Variants in TMIE observed in about 807,000 individuals in gnomAD.
TMIE encodes transmembrane inner ear.
In TMIE, 14 loss-of-function variants were observed where a neutral mutation model predicts 16.8. The ratio of observed to expected loss-of-function variants is 0.83; its 90% CI spans 0.55 to 1.30. The LOEUF (loss-of-function observed/expected upper bound fraction) is 1.30, where lower values mean the gene tolerates loss of function less well. Among genes scored for constraint, TMIE ranks in the 50% most tolerant of loss-of-function variants. The probability of loss-of-function intolerance (pLI) is 0.00; values close to 1 mark genes in which losing one functional copy is unlikely to be tolerated. For synonymous variants in TMIE, 75 were observed against 87.2 expected (o/e 0.86, Z 0.78); for missense variants, 204 against 205.9 (o/e 0.99, Z 0.06).
rs965512196 is a variant in TMIE, at chr3:46,701,510, G to A, written c.23G>A (p.Gly8Asp). Reference sequence around the variant, plus strand: ...AAGATGGCGGGGTGGCCGGGCGCGGGTCCCCTCTGCGTGCTGGGCGGCGCC... The same window carrying A: ...AAGATGGCGGGGTGGCCGGGCGCGGATCCCCTCTGCGTGCTGGGCGGCGCC... MAGWPGA[G>D]PLCVLGGAAL... The change falls in exon 1 of 4, where the codon GGT (glycine) becomes GAT (aspartate). Residue 8 changes from glycine to aspartate, a missense_variant. Gly to Asp is a moderately conservative substitution (Grantham distance 94). Coordinates refer to ENST00000643606, the MANE Select transcript of TMIE (RefSeq NM_147196.3). This position sits in a 1 kb window ranked among gnomAD's most constrained non-coding sequence, Gnocchi z 4.3. 19 of 1,341,576 alleles carry A rather than the reference G, an allele frequency of 1.4e-5. No homozygotes were observed. Among genetic ancestry groups the A allele is most frequent in the African/African-American group, 3.1e-5 (2 of 65,202 alleles). 83.1% of individuals were successfully genotyped at this position (1,341,576 alleles called of 1,614,324 possible). A position where few individuals can be genotyped will look rare whatever the true frequency, so the allele number is the denominator to read the frequency against.
chr3:46,702,066 G>A (rs1188290322), intron 1 of TMIE, among the ~76,000 whole-genome samples: 1 of 152,124 alleles, frequency 6.6e-6, no homozygotes, highest in African/African-American at 2.4e-5. Flanking sequence ...TAATGGAGGG[G>A]GAGACATAGC....
At chr3:46,704,332 G>A (rs993485871) in intron 1 of TMIE, among the ~76,000 whole-genome samples, 2 of 149,554 alleles carry the variant, frequency 1.3e-5, no homozygotes, top group Non-Finnish European at 3.0e-5. Context: ...AGACACCCAG[G>A]GCAGGAACAT....
intron 1 of TMIE, among the ~76,000 whole-genome samples, chr3:46,705,575 C>T (rs1033871671): frequency 5.3e-5 from 8 of 152,238 alleles, no homozygotes; most frequent in African/African-American, 1.9e-4. Context: ...GCATCAACCA[C>T]CCTCCCACTT....
upstream of TMIE, among the ~76,000 whole-genome samples, chr3:46,700,735 G>C (rs551372311): frequency 8.5e-5 from 13 of 152,324 alleles, no homozygotes; most frequent in South Asian, 2.7e-3. Context: ...TCAGGGTCCT[G>C]GCTTAGACTG....
chr3:46,695,826 C>T (rs1700407206), intron 1 of TMIE, among the ~76,000 whole-genome samples: 1 of 152,334 alleles, frequency 6.6e-6, no homozygotes, highest in South Asian at 2.1e-4. Flanking sequence ...GAAAGGCTGA[C>T]TGAGCTCTGG....
At chr3:46,699,060 A>ATTTTTTTTTTTTTTTTTTTTT (rs397951323), upstream of TMIE, among the ~76,000 whole-genome samples, 1 of 84,854 alleles carries the variant, frequency 1.2e-5, no homozygotes, top group African/African-American at 5.0e-5. Flanking sequence ...GGTGTTTCTT[A>ATTTTTTTTTTTTTTTTTTTTT]TTTTTTTTTT....
chr3:46,702,216 G>A (rs1700486113), intron 1 of TMIE, among the ~76,000 whole-genome samples: 1 of 152,152 alleles, frequency 6.6e-6, no homozygotes, highest in African/African-American at 2.4e-5. Context: ...GTCTGACTTG[G>A]TCCTGGTGAT....
intron 1 of TMIE, among the ~76,000 whole-genome samples, chr3:46,695,915 G>C (rs980749915): frequency 6.6e-6 from 1 of 152,142 alleles, no homozygotes; most frequent in Non-Finnish European, 1.5e-5. Context: ...TGCTAAATGG[G>C]GCAAGACCTG....
chr3:46,701,140 G>A (rs1237887116), upstream of TMIE, among the ~76,000 whole-genome samples: 1 of 151,772 alleles, frequency 6.6e-6, no homozygotes, highest in Non-Finnish European at 1.5e-5. This position sits in a 1 kb window ranked among gnomAD's most constrained non-coding sequence, Gnocchi z 4.3. Context: ...CCCAGATGGA[G>A]AAACTGAGGC....
chr3:46,700,196 G>A (rs1700452511), upstream of TMIE, among the ~76,000 whole-genome samples: 1 of 152,220 alleles, frequency 6.6e-6, no homozygotes, highest in Admixed American at 6.5e-5. Context: ...ACCTCCCACT[G>A]TTGAGCGTTT....
At position 46,709,570 on chromosome 3, in the gene TMIE, G is replaced by A. The variant is rs1442211904; in HGVS notation, c.362-9G>A. 6.3e-7 allele frequency: 1 copy of A among 1,593,858 alleles called. No homozygotes were observed. The highest frequency in any genetic ancestry group is 1.5e-5 in the African/African-American group (1 of 66,514). On this transcript the variant is annotated splice_polypyrimidine_tract_variant and intron_variant, in intron 3 of 3. Coordinates refer to ENST00000643606, the MANE Select transcript of TMIE (RefSeq NM_147196.3). ...CACTATCACATGGTCTCTTCCCCCT[G>A]CCCCACAGAGGATAAGAAGAAGAAG...
rs539627460 is a variant in TMIE, at chr3:46,706,265, G to A, written c.211+358G>A. Among the ~76,000 whole-genome samples, 13 of 152,312 alleles carry A rather than the reference G, an allele frequency of 8.5e-5. No homozygotes were observed. The South Asian group carries it at 1.5e-3, about 17-fold the overall frequency. On this transcript the variant is annotated intron_variant, in intron 2 of 3. Coordinates refer to ENST00000643606, the MANE Select transcript of TMIE (RefSeq NM_147196.3). ...CCAGCTTAAAGGCCCACACCCAGGG[G>A]CCCCAGCAAGGCCATCCTCCACTAG...
rs962512180 is a variant in TMIE, at chr3:46,710,601, T to C, written c.*913T>C. ...CCTAGAAGATCACAGCAGGGCCTTC[T>C]GCCTGCTGACCATAACAGTGCCAGC... On this transcript the variant is annotated 3_prime_UTR_variant, in exon 4 of 4. Transcript: ENST00000643606. The C allele has an allele frequency of 2.0e-5, 3 of 152,258 alleles. No individual in the cohort carries two copies. In the East Asian group the frequency reaches 5.8e-4, roughly 29 times the overall value. 9.4% of individuals were successfully genotyped at this position (152,258 alleles called of 1,614,324 possible).
At chr3:46,705,503 G>A (rs1288397992) in intron 1 of TMIE, among the ~76,000 whole-genome samples, 1 of 152,166 alleles carries the variant, frequency 6.6e-6, no homozygotes, top group Non-Finnish European at 1.5e-5. Flanking sequence ...TGTTCATAGG[G>A]GCCTTGAACC....
At chr3:46,699,057 C>CTTTTTTTTTTTTTTTTTTTTTTTT, upstream of TMIE, among the ~76,000 whole-genome samples, 1 of 65,286 alleles carries the variant, frequency 1.5e-5, no homozygotes, top group Non-Finnish European at 3.3e-5. Context: ...AATGGTGTTT[C>CTTTTTTTTTTTTTTTTTTTTTTTT]TTATTTTTTT....
intron 1 of TMIE, among the ~76,000 whole-genome samples, chr3:46,703,263 G>A (rs1700500225): frequency 6.6e-6 from 1 of 152,128 alleles, no homozygotes; most frequent in Non-Finnish European, 1.5e-5. Flanking sequence ...ATGAGGAGAA[G>A]ACCAGCTGTC....
chr3:46,698,653 C>T (rs1299032425), upstream of TMIE, among the ~76,000 whole-genome samples: 1 of 152,128 alleles, frequency 6.6e-6, no homozygotes, highest in Non-Finnish European at 1.5e-5. Context: ...GGGTTCACAG[C>T]CGGCAGTATG....
In TMIE at chr3:46,709,592, GAA is replaced by G. The variant is rs751263903; in HGVS notation, c.376_377del (p.Lys126GlufsTer19). ...TEVPGEDKKK[K>X]KKKKKDSVDT... is the part of the protein sequence containing the mutation. ...CCTGCCCCACAGAGGATAAGAAGAA[GAA>G]GAAGAAGAAGAAGAAGGACAGTGTG... On this transcript the variant is annotated frameshift_variant, in exon 4 of 4. Coordinates refer to ENST00000643606, the MANE Select transcript of TMIE (RefSeq NM_147196.3). LOFTEE classifies it high-confidence loss of function. 1 of 1,532,766 alleles carries G rather than the reference GAA, an allele frequency of 6.5e-7. No homozygotes were observed. The highest frequency in any genetic ancestry group is 1.8e-5 in the Admixed American group (1 of 54,446). 94.9% of individuals were successfully genotyped at this position (1,532,766 alleles called of 1,614,324 possible). A position where few individuals can be genotyped will look rare whatever the true frequency, so the allele number is the denominator to read the frequency against.
chr3:46,709,473 GAA>G, intron 3 of TMIE, 104 bp from the exon 4 acceptor site: 2 of 1,610,260 alleles, frequency 1.2e-6, no homozygotes, highest in Non-Finnish European at 1.7e-6. Context: ...GAAGAAGGAA[GAA>G]AAAGGCAGAG....
Sources: allele counts gnomAD v4.1 joint callset (sites outside exome capture counted in the v4.1 genomes callset), GRCh38; gene constraint gnomAD v4.1.1; non-coding constraint Gnocchi (gnomAD v3.1); transcripts MANE v1.5; gene names NCBI Gene and HGNC (gene_info 2026-07-23, HGNC 2026-07-21).